FBXL20: variants seen among roughly 807,000 people sequenced by gnomAD.
FBXL20 encodes F-box/LRR-repeat protein 20.
Under a neutral mutation model 64.0 loss-of-function variants are expected in FBXL20, and 11 were observed. The observed-to-expected ratio is 0.17, with a 90% CI of 0.11 to 0.28. FBXL20 has a LOEUF of 0.28. Ranked by LOEUF, FBXL20 falls within the 10% of genes least tolerant of loss-of-function variation. The probability of loss-of-function intolerance (pLI) is 1.00; values close to 1 mark genes in which losing one functional copy is unlikely to be tolerated. For synonymous variants in FBXL20, 184 were observed against 189.0 expected (o/e 0.97, Z 0.22); for missense variants, 303 against 526.2 (o/e 0.58, Z 4.15).
intron 11 of FBXL20, among the ~76,000 whole-genome samples, chr17:39,270,007 A>C (rs775804181): frequency 6.6e-6 from 1 of 152,202 alleles, no homozygotes; most frequent in Non-Finnish European, 1.5e-5. Context: ...CCCTTGTACC[A>C]TAACACTGGT....
intron 2 of FBXL20, among the ~76,000 whole-genome samples, chr17:39,314,689 T>C (rs771241103): frequency 6.6e-6 from 1 of 151,742 alleles, no homozygotes; most frequent in Non-Finnish European, 1.5e-5. Flanking sequence ...TATTTAGAGA[T>C]TTTAGAAACT....
chr17:39,270,682 A>T (rs2046836004), intron 11 of FBXL20, 114 bp downstream of exon 11: 1 of 829,278 alleles, frequency 1.2e-6, no homozygotes, highest in East Asian at 2.7e-5. Context: ...ACCCCGTCTC[A>T]CTCACCCAAT....
At chr17:39,292,878 C>T (rs1386209260) in intron 6 of FBXL20, among the ~76,000 whole-genome samples, 2 of 151,274 alleles carry the variant, frequency 1.3e-5, no homozygotes, top group East Asian at 1.9e-4. Context: ...GTGCAACCTC[C>T]GCCTCCCAGG....
At chr17:39,345,995 G>A (rs2047629354) in intron 1 of FBXL20, among the ~76,000 whole-genome samples, 1 of 152,074 alleles carries the variant, frequency 6.6e-6, no homozygotes. Context: ...GGGCAACATG[G>A]TGAAATCCTG....
chr17:39,386,415 T>C (rs1399435220), intron 1 of FBXL20, among the ~76,000 whole-genome samples: 1 of 152,040 alleles, frequency 6.6e-6, no homozygotes, highest in Admixed American at 6.6e-5. Flanking sequence ...GGATCACTTG[T>C]GGTCAGGAGT....
At chr17:39,337,562 C>T (rs1384723830) in intron 2 of FBXL20, among the ~76,000 whole-genome samples, 6 of 149,450 alleles carry the variant, frequency 4.0e-5, no homozygotes, top group South Asian at 2.2e-4. Context: ...CCCGCCGCCC[C>T]GTCTGGGATG....
intron 1 of FBXL20, among the ~76,000 whole-genome samples, chr17:39,376,283 CCTACTGCTAAA>C (rs2047966537): frequency 6.6e-6 from 1 of 152,046 alleles, no homozygotes; most frequent in Admixed American, 6.6e-5. Flanking sequence ...TCAGAACTGG[CCTACTGCTAAA>C]GTAGGTACCC....
intron 1 of FBXL20, among the ~76,000 whole-genome samples, chr17:39,352,190 C>G (rs1422437511): frequency 6.6e-6 from 1 of 152,046 alleles, no homozygotes; most frequent in Non-Finnish European, 1.5e-5. Flanking sequence ...TCAGGAGGCT[C>G]TAAAACCAGA....
intron 14 of FBXL20, among the ~76,000 whole-genome samples, chr17:39,263,064 T>C (rs2338755): frequency 0.62 from 93,896 of 151,672 alleles, 32,226 homozygotes; most frequent in South Asian, 0.89. Flanking sequence ...CTCTCTATTA[T>C]GGTGGATAGG....
intron 1 of FBXL20, among the ~76,000 whole-genome samples, chr17:39,372,505 G>T: frequency 1.1e-5 from 1 of 93,858 alleles, no homozygotes. Context: ...GCAACAGAGC[G>T]AGACTCTGAC....
chr17:39,318,282 A>G (rs1239122900), intron 2 of FBXL20, among the ~76,000 whole-genome samples: 1 of 152,168 alleles, frequency 6.6e-6, no homozygotes, highest in Non-Finnish European at 1.5e-5. Context: ...GAGTATGCCT[A>G]AAGAATGAGA....
intron 3 of FBXL20, among the ~76,000 whole-genome samples, chr17:39,302,304 C>T (rs904502620): frequency 6.6e-6 from 1 of 151,606 alleles, no homozygotes; most frequent in Admixed American, 6.6e-5. Flanking sequence ...TTGACCTCCC[C>T]GACTCAAGCA....
chr17:39,276,250 G>A (rs1430342408), intron 9 of FBXL20, among the ~76,000 whole-genome samples: 50 of 148,842 alleles, frequency 3.4e-4, no homozygotes, highest in Non-Finnish European at 6.4e-4. Flanking sequence ...AAAAGGGACG[G>A]GAAGGGAAGG....
chr17:39,256,615 C>T lies in FBXL20; in HGVS notation c.*4845G>A, dbSNP rs953249546. The T allele has an allele frequency of 6.6e-6, 1 of 152,140 alleles. No homozygotes were observed. Among genetic ancestry groups the T allele is most frequent in the Non-Finnish European group, 1.5e-5 (1 of 68,040 alleles). The allele number at this position is 152,140 out of a possible 1,614,324, so 9.4% of individuals were successfully genotyped here. A position where few individuals can be genotyped will look rare whatever the true frequency, so the allele number is the denominator to read the frequency against. ...CATATGATTGAGAAAGTCTGTCAGC[C>T]AGGAGATACAACCAGGATAAAAGCC... On this transcript the variant is annotated 3_prime_UTR_variant, in exon 15 of 15. Coordinates refer to ENST00000264658, the MANE Select transcript of FBXL20 (RefSeq NM_032875.3).
At chr17:39,283,209 C>G (rs142137318) in intron 7 of FBXL20, among the ~76,000 whole-genome samples, 1 of 152,142 alleles carries the variant, frequency 6.6e-6, no homozygotes, top group African/African-American at 2.4e-5. Flanking sequence ...AGCTCTGATT[C>G]AAAACGAGAT....
chr17:39,329,024 G>A (rs2047435908), intron 2 of FBXL20, among the ~76,000 whole-genome samples: 1 of 152,156 alleles, frequency 6.6e-6, no homozygotes, highest in South Asian at 2.1e-4. Context: ...CTGCACTTCA[G>A]CCTGGGTGAC....
chr17:39,349,269 A>T (rs2047663854), intron 1 of FBXL20, among the ~76,000 whole-genome samples: 1 of 148,762 alleles, frequency 6.7e-6, no homozygotes, highest in African/African-American at 2.5e-5. Flanking sequence ...ATAAGCAAAT[A>T]AATAAAAATC....
intron 6 of FBXL20, among the ~76,000 whole-genome samples, chr17:39,291,033 C>T (rs1258012752): frequency 6.6e-6 from 1 of 151,662 alleles, no homozygotes; most frequent in Non-Finnish European, 1.5e-5. Flanking sequence ...GCGATCTCGG[C>T]TCACTGCAAG....
At chr17:39,385,139 T>C (rs1321877344) in intron 1 of FBXL20, among the ~76,000 whole-genome samples, 1 of 152,070 alleles carries the variant, frequency 6.6e-6, no homozygotes, top group African/African-American at 2.4e-5. Context: ...GGAGGACTGC[T>C]TGAGCCTAGG....
Sources: allele counts gnomAD v4.1 joint callset (sites outside exome capture counted in the v4.1 genomes callset), GRCh38; gene constraint gnomAD v4.1.1; transcripts MANE v1.5; gene names NCBI Gene and HGNC (gene_info 2026-07-23, HGNC 2026-07-21).